The following CDH12 variants were observed in gnomAD, a reference collection of about 807,000 sequenced individuals.
CDH12 encodes the protein cadherin 12.
A neutral mutation model predicts 74.1 loss-of-function variants in CDH12; 41 were observed. The observed-to-expected ratio is 0.55, with a 90% CI of 0.43 to 0.72. CDH12 has a LOEUF of 0.72. Among genes scored for constraint, CDH12 ranks in the 30% least tolerant of loss-of-function variants. CDH12 has a pLI of 0.00. For synonymous variants in CDH12, 399 were observed against 355.0 expected, an observed-to-expected ratio of 1.12 and a Z score of -1.39; for missense variants, 945 against 977.2, an observed-to-expected ratio of 0.97 and a Z score of 0.44.
At chr5:21,883,694 A>G (rs1752479797) in intron 6 of CDH12, 2 of 1,611,606 alleles carry the variant, frequency 1.2e-6, no homozygotes, top group Non-Finnish European at 1.7e-6. Context: ...CTCAACTTGA[A>G]AAACGTATTC....
intron 5 of CDH12, among the ~76,000 whole-genome samples, chr5:22,047,519 AG>A (rs1366998858): frequency 2.0e-5 from 3 of 151,718 alleles, no homozygotes; most frequent in Non-Finnish European, 1.5e-5. Flanking sequence ...GAAAGATAAA[AG>A]TAAACACCCC....
intron 1 of CDH12, among the ~76,000 whole-genome samples, chr5:22,817,374 C>T (rs1343606001): frequency 1.3e-5 from 2 of 151,910 alleles, no homozygotes; most frequent in African/African-American, 2.4e-5. Context: ...TCATCAGAGA[C>T]ACTGATAGCA....
At chr5:22,734,907 A>G (rs1028601837) in intron 1 of CDH12, among the ~76,000 whole-genome samples, 3 of 152,002 alleles carry the variant, frequency 2.0e-5, no homozygotes, top group African/African-American at 7.2e-5. Flanking sequence ...ATGAGTGCAG[A>G]TAAGTGTTCT....
chr5:22,608,561 G>A (rs1737233798), intron 1 of CDH12, among the ~76,000 whole-genome samples: 1 of 152,208 alleles, frequency 6.6e-6, no homozygotes. Flanking sequence ...GCAAGGGCAT[G>A]ATTGTGTTTT....
At chr5:21,764,866 G>T (rs540463485) in intron 12 of CDH12, 112 bp downstream of exon 12, 70 of 965,448 alleles carry the variant, frequency 7.3e-5, no homozygotes, top group East Asian at 2.5e-5. Context: ...TTTTATGAAA[G>T]CTCTGATTCA....
intron 1 of CDH12, among the ~76,000 whole-genome samples, chr5:22,639,603 G>A (rs1365632256): frequency 2.0e-5 from 3 of 151,974 alleles, no homozygotes; most frequent in Non-Finnish European, 4.4e-5. Context: ...AGTTCTGAAC[G>A]TGCTAGTTTA....
intron 4 of CDH12, among the ~76,000 whole-genome samples, chr5:22,103,032 C>T (rs1744239278): frequency 6.6e-6 from 1 of 152,122 alleles, no homozygotes; most frequent in Non-Finnish European, 1.5e-5. Flanking sequence ...CAGTGTGGCT[C>T]GTGTACGTTT....
At chr5:22,395,137 G>C (rs749767071) in intron 3 of CDH12, among the ~76,000 whole-genome samples, 22 of 152,260 alleles carry the variant, frequency 1.4e-4, no homozygotes, top group Middle Eastern at 3.4e-3. Context: ...TGGATTATCT[G>C]AGCAGGATCT....
At chr5:22,478,494 A>G (rs976560703) in intron 2 of CDH12, among the ~76,000 whole-genome samples, 5 of 152,088 alleles carry the variant, frequency 3.3e-5, no homozygotes, top group African/African-American at 1.2e-4. Flanking sequence ...AATCTAGTAA[A>G]CAACCTTTAC....
At chr5:22,574,409 C>T (rs1162764768) in intron 1 of CDH12, among the ~76,000 whole-genome samples, 1 of 151,960 alleles carries the variant, frequency 6.6e-6, no homozygotes, top group Non-Finnish European at 1.5e-5. Context: ...CATAACATGC[C>T]TTCACGTACC....
chr5:22,217,781 T>C, intron 3 of CDH12, among the ~76,000 whole-genome samples: 1 of 151,684 alleles, frequency 6.6e-6, no homozygotes, highest in Non-Finnish European at 1.5e-5. Context: ...ATAATATTAA[T>C]GAATAATATT....
intron 4 of CDH12, among the ~76,000 whole-genome samples, chr5:22,120,281 A>T (rs543224900): frequency 4.6e-5 from 7 of 152,174 alleles, no homozygotes; most frequent in Non-Finnish European, 1.0e-4. Context: ...ACTAGAAGGA[A>T]TACCAGTAAT....
At chr5:22,240,540 T>C (rs1243699624) in intron 3 of CDH12, among the ~76,000 whole-genome samples, 1 of 152,182 alleles carries the variant, frequency 6.6e-6, no homozygotes, top group Non-Finnish European at 1.5e-5. Context: ...AGTAATTTTA[T>C]TTACTTATTT....
chr5:21,943,332 T>G (rs1284136205), intron 6 of CDH12, among the ~76,000 whole-genome samples: 1 of 152,234 alleles, frequency 6.6e-6, no homozygotes, highest in Non-Finnish European at 1.5e-5. Flanking sequence ...AGTAAAATTT[T>G]TACTTACATT....
chr5:22,115,158 G>A (rs1253156788), intron 4 of CDH12, among the ~76,000 whole-genome samples: 1 of 152,034 alleles, frequency 6.6e-6, no homozygotes, highest in African/African-American at 2.4e-5. Context: ...TAATGCTCTT[G>A]ATAGTATTGA....
At chr5:22,457,128 C>G (rs1282916957) in intron 2 of CDH12, among the ~76,000 whole-genome samples, 1 of 152,096 alleles carries the variant, frequency 6.6e-6, no homozygotes, top group African/African-American at 2.4e-5. Flanking sequence ...AAAGCTGAGC[C>G]ATTTTTATTT....
At chr5:21,824,322 G>A (rs1748541258) in intron 8 of CDH12, among the ~76,000 whole-genome samples, 1 of 152,098 alleles carries the variant, frequency 6.6e-6, no homozygotes, top group Non-Finnish European at 1.5e-5. Context: ...CTCTGGAGCT[G>A]CACAGTGCAC....
intron 5 of CDH12, among the ~76,000 whole-genome samples, chr5:22,046,077 T>C (rs1256750486): frequency 2.0e-5 from 3 of 152,156 alleles, no homozygotes; most frequent in Non-Finnish European, 4.4e-5. Context: ...TAAGGGCATG[T>C]CTAATCAGAA....
chr5:22,486,587 A>C (rs1172113003), intron 2 of CDH12, among the ~76,000 whole-genome samples: 2 of 150,462 alleles, frequency 1.3e-5, no homozygotes, highest in Non-Finnish European at 3.0e-5. Context: ...GAGTAGCTGG[A>C]ATTACAGGTA....
Sources: gnomAD v4.1 joint callset for allele counts (sites outside exome capture counted in the v4.1 genomes callset) on GRCh38, gnomAD v4.1.1 for gene constraint, MANE v1.5 for transcripts, NCBI Gene and HGNC (gene_info 2026-07-23, HGNC 2026-07-21) for gene names.